Variants in CPA6 observed in about 807,000 individuals in gnomAD.
CPA6 encodes carboxypeptidase A6.
Under a neutral mutation model 63.3 loss-of-function variants are expected in CPA6, and 58 were observed. The observed-to-expected ratio is 0.92, with a 90% CI of 0.74 to 1.14. The LOEUF is 1.14. Ranked by LOEUF, CPA6 falls within the 50% of genes most tolerant of loss-of-function variation. The probability of loss-of-function intolerance (pLI) is 0.00; values close to 1 mark genes in which losing one functional copy is unlikely to be tolerated. For missense variants in CPA6, 565 were observed against 526.6 expected, an observed-to-expected ratio of 1.07 and a Z score of -0.71; for synonymous variants, 185 against 179.0, an observed-to-expected ratio of 1.03 and a Z score of -0.27.
intron 2 of CPA6, among the ~76,000 whole-genome samples, chr8:67,545,887 C>T (rs746616979): frequency 1.3e-5 from 2 of 152,050 alleles, no homozygotes; most frequent in East Asian, 3.9e-4. Context: ...TAAAATGCAG[C>T]CACCTACTGA....
At chr8:67,604,760 T>A (rs918050823) in intron 2 of CPA6, among the ~76,000 whole-genome samples, 1 of 151,914 alleles carries the variant, frequency 6.6e-6, no homozygotes, top group Non-Finnish European at 1.5e-5. Flanking sequence ...TCTGTGGAGG[T>A]TCTATCAACT....
chr8:67,587,521 T>C (rs1813977036), intron 2 of CPA6, among the ~76,000 whole-genome samples: 1 of 151,726 alleles, frequency 6.6e-6, no homozygotes, highest in South Asian at 2.1e-4. Flanking sequence ...TTTTGGACGA[T>C]TGATGTGAGG....
At chr8:67,621,171 T>C (rs1815072686) in intron 2 of CPA6, among the ~76,000 whole-genome samples, 1 of 152,232 alleles carries the variant, frequency 6.6e-6, no homozygotes, top group Non-Finnish European at 1.5e-5. Flanking sequence ...TGTGACTCTA[T>C]TGGGAGAGGC....
chr8:67,641,946 G>A lies in CPA6; in HGVS notation c.117-17695C>T, dbSNP rs570010425. Among the ~76,000 whole-genome samples, 22 of 152,232 alleles carry A rather than the reference G, an allele frequency of 1.4e-4. No homozygotes were observed. The East Asian group carries it at 4.2e-3, about 29-fold the overall frequency. On this transcript the variant is annotated intron_variant, in intron 1 of 10. Coordinates refer to ENST00000297770, the MANE Select transcript of CPA6 (RefSeq NM_020361.5). ...TACAGAGATTACATACAAATATACA[G>A]TTCTCTAAAATGTAAGGTACCTAGC... is the stretch of plus-strand genomic sequence containing the variant.
At chr8:67,584,381 C>G (rs1315710789) in intron 2 of CPA6, among the ~76,000 whole-genome samples, 1 of 152,078 alleles carries the variant, frequency 6.6e-6, no homozygotes, top group African/African-American at 2.4e-5. Flanking sequence ...GGATGATGGA[C>G]CCTAAACATA....
chr8:67,737,838 T>C (rs982111677), intron 1 of CPA6, among the ~76,000 whole-genome samples: 7 of 152,238 alleles, frequency 4.6e-5, no homozygotes, highest in African/African-American at 1.7e-4. Flanking sequence ...TGTTGTCAAC[T>C]ATAAAGAATG....
At chr8:67,471,731 A>T (rs1811064094) in intron 8 of CPA6, among the ~76,000 whole-genome samples, 1 of 152,242 alleles carries the variant, frequency 6.6e-6, no homozygotes, top group Admixed American at 6.5e-5. Context: ...TCTGTGTTTG[A>T]GAATAGCATT....
At chr8:67,589,134 T>G (rs975386859) in intron 2 of CPA6, among the ~76,000 whole-genome samples, 6 of 151,204 alleles carry the variant, frequency 4.0e-5, no homozygotes, top group Non-Finnish European at 8.8e-5. Flanking sequence ...AAAAGATTGA[T>G]GTTGAGATGC....
intron 2 of CPA6, among the ~76,000 whole-genome samples, chr8:67,614,402 C>T (rs1242937191): frequency 6.6e-6 from 1 of 152,130 alleles, no homozygotes; most frequent in Non-Finnish European, 1.5e-5. Context: ...AGGATGGCCC[C>T]TACTGACAGT....
Position 67,422,440 on chromosome 8 carries a change from C to G in CPA6, c.*64G>C, listed in dbSNP as rs1436899040. 61 of 1,423,340 alleles carry G rather than the reference C, an allele frequency of 4.3e-5. No homozygotes were observed. Among genetic ancestry groups the G allele is most frequent in the Non-Finnish European group, 5.7e-5 (59 of 1,037,230 alleles). The allele number at this position is 1,423,340 out of a possible 1,614,324, so 88.2% of individuals were successfully genotyped here. A position where few individuals can be genotyped will look rare whatever the true frequency, so the allele number is the denominator to read the frequency against. On this transcript the variant is annotated 3_prime_UTR_variant, in exon 11 of 11. Coordinates refer to ENST00000297770, the MANE Select transcript of CPA6 (RefSeq NM_020361.5). ...CTGCCCTTCTCTTTGAAAACAATTT[C>G]TATCCAGGGCCAAGTAGGCCTTGCT...
intron 1 of CPA6, among the ~76,000 whole-genome samples, chr8:67,730,585 T>G (rs549296408): frequency 5.3e-5 from 8 of 152,184 alleles, no homozygotes; most frequent in Non-Finnish European, 1.2e-4. Context: ...AAACCTCTAA[T>G]CACATGGTTG....
In CPA6 at chr8:67,433,384, T is replaced by C. The variant is rs367686102; in HGVS notation, c.1041+654A>G. Among the ~76,000 whole-genome samples, 4 of 152,330 alleles carry C rather than the reference T, an allele frequency of 2.6e-5. No homozygotes were observed. In the East Asian group the frequency reaches 5.8e-4, roughly 22 times the overall value. On this transcript the variant is annotated intron_variant, in intron 9 of 10. Coordinates refer to ENST00000297770, the MANE Select transcript of CPA6 (RefSeq NM_020361.5). ...TCACTTCATGATGACTGATGCCCTA[T>C]AGTGAATAGCTTGTTGGGTTTCTGA...
At chr8:67,423,323 G>A (rs1479269011) in intron 10 of CPA6, among the ~76,000 whole-genome samples, 1 of 152,188 alleles carries the variant, frequency 6.6e-6, no homozygotes, top group African/African-American at 2.4e-5. Flanking sequence ...GGGCTCAACT[G>A]ATCCTCCCGC....
chr8:67,692,192 C>T (rs912103768), intron 1 of CPA6, among the ~76,000 whole-genome samples: 4 of 151,916 alleles, frequency 2.6e-5, no homozygotes, highest in Non-Finnish European at 4.4e-5. Flanking sequence ...CAAAATTAGC[C>T]GGGCATGGTG....
intron 8 of CPA6, among the ~76,000 whole-genome samples, chr8:67,466,493 G>C (rs765632739): frequency 6.6e-6 from 1 of 151,926 alleles, no homozygotes; most frequent in South Asian, 2.1e-4. Flanking sequence ...TTTTAATTTC[G>C]TCTGATAGCT....
chr8:67,720,922 C>T (rs557123792), intron 1 of CPA6, among the ~76,000 whole-genome samples: 8 of 152,218 alleles, frequency 5.3e-5, no homozygotes, highest in Non-Finnish European at 8.8e-5. Flanking sequence ...GATCTCTCCT[C>T]TTCCAACTGC....
intron 10 of CPA6, among the ~76,000 whole-genome samples, chr8:67,423,125 C>T (rs192167997): frequency 1.3e-5 from 2 of 152,242 alleles, no homozygotes; most frequent in East Asian, 3.9e-4. Flanking sequence ...CACTCTGTCA[C>T]CCAGGCTGGA....
chr8:67,656,096 G>A (rs1000160714), intron 1 of CPA6, among the ~76,000 whole-genome samples: 1 of 152,046 alleles, frequency 6.6e-6, no homozygotes, highest in African/African-American at 2.4e-5. Context: ...AGAAGTTGGG[G>A]TTTTTCTTTT....
intron 1 of CPA6, among the ~76,000 whole-genome samples, chr8:67,643,124 C>G (rs570164010): frequency 5.3e-5 from 8 of 151,956 alleles, no homozygotes; most frequent in South Asian, 2.1e-4. Flanking sequence ...GAAATTAACA[C>G]GAAGCAAATG....
Sources: allele counts gnomAD v4.1 joint callset (sites outside exome capture counted in the v4.1 genomes callset), GRCh38; gene constraint gnomAD v4.1.1; transcripts MANE v1.5; gene names NCBI Gene and HGNC (gene_info 2026-07-23, HGNC 2026-07-21).